Variants in GCA observed in about 807,000 individuals in gnomAD.
GCA encodes the protein grancalcin, EF-hand calcium-binding protein.
GCA carries 30 observed loss-of-function variants against 32.6 expected under a neutral mutation model. The ratio of observed to expected loss-of-function variants is 0.92; its 90% confidence interval spans 0.69 to 1.25. GCA has a LOEUF of 1.25. Ranked by LOEUF, GCA falls within the 50% of genes most tolerant of loss-of-function variation. The pLI is 0.00. For synonymous variants in GCA, 102 were observed against 84.6 expected, an observed-to-expected ratio of 1.21 and a Z score of -1.13; for missense variants, 291 against 266.8, an observed-to-expected ratio of 1.09 and a Z score of -0.63.
At position 162,320,744 on chromosome 2, in the gene GCA, T is replaced by TG. The variant is rs1486240869; in HGVS notation, c.-31+1520dup. ...ATTACATGACCAGCACTGATCTAGG[T>TG]GCAGTTAATAAAATTAACAAAGCTC... is the stretch of plus-strand genomic sequence containing the variant. On this transcript the variant is annotated intron_variant, in intron 1 of 4. Coordinates refer to the GCA transcript ENST00000429691. Among the ~76,000 whole-genome samples, 8 of 152,340 alleles carry TG rather than the reference T, an allele frequency of 5.3e-5. No individual in the cohort carries two copies. In the East Asian group the frequency reaches 1.5e-3, roughly 29 times the overall value.
At chr2:162,322,386 T>G (rs1053877597) in intron 1 of GCA, among the ~76,000 whole-genome samples, 1 of 117,112 alleles carries the variant, frequency 8.5e-6, no homozygotes, top group Non-Finnish European at 2.0e-5. Context: ...TTTATTTTAC[T>G]TTATTTATTT....
rs2105329452 is a variant in GCA, at chr2:162,352,342, G to A, written c.197G>A (p.Gly66Asp). ...TYFSAVAGQD[G>D]EVDAEELQRC... ...GTCATAATTATTTTTAAACAGGATG[G>A]TGAAGTGGATGCTGAAGAACTTCAG... Residue 66 changes from glycine to aspartate, a missense_variant, in exon 3 of 8, where the codon GGT becomes GAT. By Grantham distance (94) the Gly-to-Asp change is moderately conservative. Coordinates refer to ENST00000437150, the MANE Select transcript of GCA (RefSeq NM_012198.5). 1 of 1,559,464 alleles carries A rather than the reference G, an allele frequency of 6.4e-7. No individual in the cohort carries two copies. Among genetic ancestry groups the A allele is most frequent in the Non-Finnish European group, 8.8e-7 (1 of 1,130,522 alleles).
chr2:162,373,780 G>T (rs571387918), downstream of GCA: 2 of 537,528 alleles, frequency 3.7e-6, no homozygotes, highest in South Asian at 1.0e-4. Flanking sequence ...TAAACAAGAA[G>T]GACAGGAGAG....
At position 162,332,744 on chromosome 2, in the gene GCA, A is replaced by G. The variant is rs963908311; in HGVS notation, c.-31+13519A>G. Among the ~76,000 whole-genome samples, 4 of 152,138 alleles carry G rather than the reference A, an allele frequency of 2.6e-5. No individual in the cohort carries two copies. In the East Asian group the frequency reaches 7.7e-4, roughly 29 times the overall value. On this transcript the variant is annotated intron_variant, in intron 1 of 4. Transcript: ENST00000429691. The stretch of plus-strand genomic sequence containing the variant: ...GGAAGAGGGAAGTTATGGAGAACAT[A>G]AGGAAATTCAACTTCCACACAAAAA...
chr2:162,342,017 T>G (rs1684469730), upstream of GCA, among the ~76,000 whole-genome samples: 1 of 152,200 alleles, frequency 6.6e-6, no homozygotes, highest in South Asian at 2.1e-4. Flanking sequence ...AGAAAAATAT[T>G]TAAAAAGCAA....
At chr2:162,364,068 A>G (rs1380356723), downstream of GCA, among the ~76,000 whole-genome samples, 1 of 151,536 alleles carries the variant, frequency 6.6e-6, no homozygotes, top group Non-Finnish European at 1.5e-5. Flanking sequence ...ATCATTTAAT[A>G]GCAATATTTG....
intron 2 of GCA, among the ~76,000 whole-genome samples, chr2:162,349,566 GA>G (rs1311628993): frequency 2.6e-5 from 4 of 152,052 alleles, no homozygotes; most frequent in African/African-American, 4.8e-5. Context: ...AATTTGGGGG[GA>G]AAGTTGAAAG....
Position 162,356,901 on chromosome 2 carries a change from T to C in GCA, c.450T>C (p.Leu150=). Residue 150 remains leucine, a synonymous_variant, in exon 5 of 8, where the codon CTT becomes CTC. Transcript: ENST00000437150. ...EHHELRQAIG[L]MGYRLSPQTL... is the part of the protein sequence containing the mutation. ...ATGAGTTGCGTCAAGCCATTGGTCT[T>C]ATGGGTAAGAACATTAACATTCTTT... 1 of 1,599,306 alleles carries C rather than the reference T, an allele frequency of 6.3e-7. No individual in the cohort carries two copies.
At chr2:162,371,644 AT>A, downstream of GCA, 1 of 772,246 alleles carries the variant, frequency 1.3e-6, no homozygotes, top group Non-Finnish European at 2.0e-6. Flanking sequence ...AAAAGTTCTT[AT>A]GTATATTTAC....
Position 162,353,992 on chromosome 2 carries a change from G to T in GCA, c.262+1585G>T, listed in dbSNP as rs557452894. 3.3e-5 allele frequency among the ~76,000 whole-genome samples: 5 copies of T among 151,744 alleles called. No homozygotes were observed. In the South Asian group the frequency reaches 1.0e-3, roughly 32 times the overall value. On this transcript the variant is annotated intron_variant, in intron 3 of 7. Transcript: ENST00000437150. ...ATTTCTGCTTTTCATTAATATCCAAGAGCTTCTGTTCTATTTTCATGAATG... is the reference window on the plus strand; with the variant it reads ...ATTTCTGCTTTTCATTAATATCCAATAGCTTCTGTTCTATTTTCATGAATG...
chr2:162,358,893 G>T, intron 5 of GCA, 151 bp from the exon 6 acceptor site: 2 of 499,192 alleles, frequency 4.0e-6, no homozygotes, highest in Non-Finnish European at 3.5e-6. Context: ...TGAAGCCTTT[G>T]TCTGATGAAT....
At chr2:162,319,064 A>G (rs1683575043) in exon 1 of GCA, 1 of 440,482 alleles carries the variant, frequency 2.3e-6, no homozygotes, top group South Asian at 1.6e-5. Context: ...GAATGTAGGC[A>G]GGCCTGGCTG....
intron 1 of GCA, among the ~76,000 whole-genome samples, chr2:162,336,448 A>C (rs1411473751): frequency 6.6e-6 from 1 of 152,104 alleles, no homozygotes; most frequent in Non-Finnish European, 1.5e-5. Context: ...TATTTTTTTG[A>C]TATCAGTAAC....
chr2:162,361,773 C>A lies in GCA; in HGVS notation c.*1530C>A. The A allele has an allele frequency of 1.0e-6, 1 of 983,796 alleles. No individual in the cohort carries two copies. Among genetic ancestry groups the A allele is most frequent in the Non-Finnish European group, 1.2e-6 (1 of 828,802 alleles). The allele number at this position is 983,796 out of a possible 1,614,324, so 60.9% of individuals were successfully genotyped here. A position where few individuals can be genotyped will look rare whatever the true frequency, so the allele number is the denominator to read the frequency against. On this transcript the variant is annotated 3_prime_UTR_variant, in exon 8 of 8. Transcript: ENST00000437150. The stretch of plus-strand genomic sequence containing the variant: ...ATAATGTGAGAGGACATTAACTGAG[C>A]TGGGAAATTAAAGAAACAGAATTCT...
At chr2:162,358,441 A>G (rs1428226272) in intron 5 of GCA, among the ~76,000 whole-genome samples, 2 of 151,440 alleles carry the variant, frequency 1.3e-5, no homozygotes, top group Non-Finnish European at 3.0e-5. Context: ...AAGATTTTGG[A>G]CATCACAGGA....
exon 5 of GCA, chr2:162,371,325 T>A: frequency 7.8e-7 from 1 of 1,288,388 alleles, no homozygotes; most frequent in Non-Finnish European, 1.0e-6. Flanking sequence ...ATGAACGTAA[T>A]TAACTTTGAA....
At position 162,360,768 on chromosome 2, in the gene GCA, T is replaced by C; in HGVS notation, c.*525T>C. On this transcript the variant is annotated 3_prime_UTR_variant, in exon 8 of 8. Transcript: ENST00000437150. ...CAGAGAAAAGAAACTTAAAGATCTT[T>C]GTCTGTGAAGAAGAAAATTATCTCC... 7.3e-7 allele frequency: 1 copy of C among 1,375,634 alleles called. No homozygotes were observed. Among genetic ancestry groups the C allele is most frequent in the East Asian group, 2.8e-5 (1 of 35,532 alleles). The allele number at this position is 1,375,634 out of a possible 1,614,324, so 85.2% of individuals were successfully genotyped here.
At chr2:162,327,507 C>T (rs750067266) in intron 1 of GCA, among the ~76,000 whole-genome samples, 2 of 152,116 alleles carry the variant, frequency 1.3e-5, no homozygotes, top group Non-Finnish European at 2.9e-5. Flanking sequence ...TAGTTCAGAC[C>T]AGGTTGAATT....
chr2:162,343,536 CA>C (rs1424829055), upstream of GCA, among the ~76,000 whole-genome samples: 2 of 152,084 alleles, frequency 1.3e-5, no homozygotes, highest in Admixed American at 1.3e-4. Context: ...GTTTATTTGC[CA>C]ACATGCCACA....
Sources: gnomAD v4.1 joint callset for allele counts (sites outside exome capture counted in the v4.1 genomes callset) on GRCh38, gnomAD v4.1.1 for gene constraint, MANE v1.5 for transcripts, NCBI Gene and HGNC (gene_info 2026-07-23, HGNC 2026-07-21) for gene names.